The following NEDD4 variants were observed in gnomAD, a reference collection of about 807,000 sequenced individuals.
NEDD4 encodes NEDD4 E3 ubiquitin protein ligase, also known as E3 ubiquitin-protein ligase NEDD4.
In NEDD4, 99 loss-of-function variants were observed where a neutral mutation model predicts 144.9. That is an observed-to-expected ratio of 0.68 (90% CI 0.58 to 0.81). NEDD4 has a LOEUF of 0.81. Ranked by LOEUF, NEDD4 falls within the 30% of genes least tolerant of loss-of-function variation. NEDD4 has a pLI of 0.00. For missense variants in NEDD4, 985 were observed against 1,065.9 expected (o/e 0.92, Z 1.06); for synonymous variants, 318 against 350.6 (o/e 0.91, Z 1.04).
chr15:55,950,732 G>A (rs551448497), intron 4 of NEDD4, among the ~76,000 whole-genome samples: 15 of 152,202 alleles, frequency 9.9e-5, no homozygotes, highest in African/African-American at 3.6e-4. Flanking sequence ...ACAGAGAAAC[G>A]ACTCAACAGC....
intron 27 of NEDD4, among the ~76,000 whole-genome samples, chr15:55,831,366 G>A (rs2032942435): frequency 6.6e-6 from 1 of 152,096 alleles, no homozygotes; most frequent in African/African-American, 2.4e-5. Context: ...TCTATGTGTG[G>A]GATATTTGCC....
intron 2 of NEDD4, among the ~76,000 whole-genome samples, chr15:55,956,885 T>C (rs1180944657): frequency 1.3e-5 from 2 of 152,220 alleles, no homozygotes; most frequent in Non-Finnish European, 2.9e-5. Flanking sequence ...CTAATCAATT[T>C]GGAGAAAAAT....
At chr15:55,957,265 C>G (rs2037353073) in intron 2 of NEDD4, among the ~76,000 whole-genome samples, 1 of 152,052 alleles carries the variant, frequency 6.6e-6, no homozygotes, top group South Asian at 2.1e-4. Context: ...TTACTTCTTC[C>G]TTTTTGACTG....
chr15:55,849,372 GCACCAC>G, intron 14 of NEDD4, among the ~76,000 whole-genome samples: 1 of 151,966 alleles, frequency 6.6e-6, no homozygotes, highest in Admixed American at 6.6e-5. Flanking sequence ...TTACAGGCAT[GCACCAC>G]CATGCCTAGC....
chr15:55,984,685 A>T (rs755090079), intron 1 of NEDD4, among the ~76,000 whole-genome samples: 2 of 152,228 alleles, frequency 1.3e-5, no homozygotes, highest in African/African-American at 2.4e-5. Flanking sequence ...CTTTCAGAAA[A>T]GCCTTATCAA....
At chr15:55,928,837 C>CA (rs1364645708) in intron 4 of NEDD4, among the ~76,000 whole-genome samples, 1 of 152,138 alleles carries the variant, frequency 6.6e-6, no homozygotes, top group East Asian at 1.9e-4. Flanking sequence ...ATGACTTATT[C>CA]ATGTTGCTTT....
chr15:55,839,973 C>CAAA lies in NEDD4; in HGVS notation c.2031+471_2031+473dup, dbSNP rs1157411288. Among the ~76,000 whole-genome samples the CAAA allele has an allele frequency of 2.9e-3, 35 of 12,096 alleles. 4 individuals carry two copies. Among genetic ancestry groups the CAAA allele is most frequent in the South Asian group, 7.5e-3 (1 of 134 alleles). 7.9% of individuals were successfully genotyped at this position (12,096 alleles called of 152,430 possible). A position where few individuals can be genotyped will look rare whatever the true frequency, so the allele number is the denominator to read the frequency against. On this transcript the variant is annotated intron_variant, in intron 21 of 28. Transcript: ENST00000435532. ...TTGGCAACAGAGTGACACTCTGTCT[C>CAAA]AAAAAAAAAAAAAAAAAAAAAAAAA...
intron 4 of NEDD4, among the ~76,000 whole-genome samples, chr15:55,951,167 C>T (rs1183984671): frequency 2.0e-5 from 3 of 152,122 alleles, no homozygotes; most frequent in East Asian, 1.9e-4. Context: ...ATCAGTTTTA[C>T]TAGAATAAGA....
chr15:55,940,372 A>T (rs756044542), intron 4 of NEDD4, among the ~76,000 whole-genome samples: 4 of 152,164 alleles, frequency 2.6e-5, no homozygotes, highest in Non-Finnish European at 5.9e-5. Context: ...TATGAATTAA[A>T]TATGTGCAGG....
intron 5 of NEDD4, chr15:55,916,017 C>T: frequency 1.2e-6 from 2 of 1,613,800 alleles, no homozygotes; most frequent in South Asian, 2.2e-5. Flanking sequence ...AGTTGAAGGA[C>T]TCCTAGGAAA....
chr15:55,933,411 G>C (rs374615901), intron 4 of NEDD4, among the ~76,000 whole-genome samples: 10 of 151,570 alleles, frequency 6.6e-5, no homozygotes, highest in Admixed American at 5.9e-4. Context: ...CCATCATTCT[G>C]AGCAAACTAT....
intron 4 of NEDD4, among the ~76,000 whole-genome samples, chr15:55,945,748 G>A (rs545035812): frequency 4.6e-5 from 7 of 151,712 alleles, no homozygotes; most frequent in Non-Finnish European, 1.0e-4. Flanking sequence ...AAATGTTAAG[G>A]GCGGCCACAG....
intron 2 of NEDD4, among the ~76,000 whole-genome samples, chr15:55,955,815 T>G (rs201050473): frequency 0.029 from 1,288 of 43,700 alleles, 9 homozygotes; most frequent in African/African-American, 0.09. Flanking sequence ...CTATACTACA[T>G]TTTTTTTTTT....
At chr15:55,970,250 A>G (rs1229772103) in intron 1 of NEDD4, among the ~76,000 whole-genome samples, 3 of 152,134 alleles carry the variant, frequency 2.0e-5, no homozygotes, top group Admixed American at 6.5e-5. Flanking sequence ...CCCCAGTGAA[A>G]TAAAGCACCA....
In NEDD4 at chr15:55,841,926, G is replaced by T. The variant is rs765688982; in HGVS notation, c.1838+8C>A. On this transcript the variant is annotated splice_region_variant and intron_variant, in intron 19 of 28. Transcript: ENST00000435532. ...TTTTCTGCCGATAATCATTGTAAAGGTACTTACGTAGCAGAATATTCAAAC... is the reference window on the plus strand; with the variant it reads ...TTTTCTGCCGATAATCATTGTAAAGTTACTTACGTAGCAGAATATTCAAAC... 1.9e-6 allele frequency: 3 copies of T among 1,595,164 alleles called. No homozygotes were observed. Among genetic ancestry groups the T allele is most frequent in the Admixed American group, 1.7e-5 (1 of 59,994 alleles).
Position 55,920,131 on chromosome 15 carries a change from C to T in NEDD4, c.291+4515G>A, listed in dbSNP as rs576167304. Among the ~76,000 whole-genome samples, 10 of 152,068 alleles carry T rather than the reference C, an allele frequency of 6.6e-5. No homozygotes were observed. In the East Asian group the frequency reaches 1.9e-3, roughly 29 times the overall value. On this transcript the variant is annotated intron_variant, in intron 5 of 28. Transcript: ENST00000435532. Reference sequence around the variant, plus strand: ...GAATCCCTGCCTAAGTTCTCAGCTTCCTGGCCTGCCCTGCAGATTTCAGAT... The same window carrying T: ...GAATCCCTGCCTAAGTTCTCAGCTTTCTGGCCTGCCCTGCAGATTTCAGAT...
chr15:55,982,284 G>T (rs1297646129), intron 1 of NEDD4, among the ~76,000 whole-genome samples: 3 of 152,058 alleles, frequency 2.0e-5, no homozygotes, highest in Admixed American at 6.6e-5. Context: ...TTACACAAGA[G>T]AAATAAAAAT....
chr15:55,961,439 C>T (rs944816959), intron 2 of NEDD4, among the ~76,000 whole-genome samples: 26 of 152,132 alleles, frequency 1.7e-4, no homozygotes, highest in Admixed American at 3.3e-4. Context: ...AATAAATGTA[C>T]GTTCTTTTAA....
chr15:55,915,376 T>C, intron 5 of NEDD4: 2 of 1,613,690 alleles, frequency 1.2e-6, no homozygotes, highest in South Asian at 1.1e-5. Context: ...GCAAACTTTA[T>C]GAGTAACTGA....
Sources: gnomAD v4.1 joint callset for allele counts (sites outside exome capture counted in the v4.1 genomes callset) on GRCh38, gnomAD v4.1.1 for gene constraint, MANE v1.5 for transcripts, NCBI Gene and HGNC (gene_info 2026-07-23, HGNC 2026-07-21) for gene names.